ADAMTS6: variants seen among roughly 807,000 people sequenced by gnomAD.
The protein encoded by ADAMTS6 is A disintegrin and metalloproteinase with thrombospondin motifs 6.
ADAMTS6 carries 23 observed loss-of-function variants against 144.3 expected under a neutral mutation model. That is an observed-to-expected ratio of 0.16 (90% CI 0.11 to 0.23). The LOEUF (loss-of-function observed/expected upper bound fraction) is 0.23. Ranked by LOEUF, ADAMTS6 falls within the 10% of genes least tolerant of loss-of-function variation. The pLI is 1.00. For synonymous variants in ADAMTS6, 444 were observed against 457.5 expected (o/e 0.97, Z 0.38); for missense variants, 999 against 1,379.6 (o/e 0.72, Z 4.37).
At chr5:65,256,467 G>C (rs188284259) in intron 14 of ADAMTS6, 1 of 152,240 alleles carries the variant, frequency 6.6e-6, no homozygotes, top group East Asian at 1.9e-4. Context: ...CTCAAGTTCT[G>C]AGCTAGTAGA....
At chr5:65,170,593 G>C (rs777832492) in intron 24 of ADAMTS6, 24 bp downstream of exon 24, 1 of 1,611,930 alleles carries the variant, frequency 6.2e-7, no homozygotes, top group Non-Finnish European at 8.5e-7. Flanking sequence ...GAAACCACAG[G>C]CCCCTCCTCC....
chr5:65,343,073 C>T (rs1748000632), intron 7 of ADAMTS6, among the ~76,000 whole-genome samples: 1 of 151,702 alleles, frequency 6.6e-6, no homozygotes, highest in Non-Finnish European at 1.5e-5. Context: ...GGAAAGATAT[C>T]CCATGGTTAT....
At chr5:65,168,332 G>A (rs1250824232) in intron 24 of ADAMTS6, among the ~76,000 whole-genome samples, 1 of 152,130 alleles carries the variant, frequency 6.6e-6, no homozygotes, top group Non-Finnish European at 1.5e-5. Flanking sequence ...CACAAGGGAT[G>A]TGAAGGACCT....
intron 7 of ADAMTS6, among the ~76,000 whole-genome samples, chr5:65,376,374 C>A (rs1751547853): frequency 1.3e-5 from 2 of 151,984 alleles, no homozygotes; most frequent in East Asian, 3.9e-4. Context: ...TAGCTTGAAC[C>A]CAGGAGGTGG....
intron 12 of ADAMTS6, among the ~76,000 whole-genome samples, chr5:65,272,494 T>C (rs912314735): frequency 1.3e-5 from 2 of 152,186 alleles, no homozygotes; most frequent in African/African-American, 4.8e-5. Flanking sequence ...CAAGCATGTT[T>C]AAATAAGTCT....
intron 12 of ADAMTS6, among the ~76,000 whole-genome samples, chr5:65,266,818 T>C (rs557370233): frequency 6.6e-6 from 1 of 152,106 alleles, no homozygotes; most frequent in East Asian, 1.9e-4. Context: ...TTTATAAAAA[T>C]GGATCTCTTT....
At chr5:65,476,786 T>A (rs1037656522) in intron 1 of ADAMTS6, among the ~76,000 whole-genome samples, 124 of 148,980 alleles carry the variant, frequency 8.3e-4, no homozygotes, top group African/African-American at 3.1e-3. Flanking sequence ...TTTTTCTGTA[T>A]TTTTTTTTAG....
At chr5:65,246,402 T>C (rs1053882148) in intron 14 of ADAMTS6, among the ~76,000 whole-genome samples, 1 of 152,164 alleles carries the variant, frequency 6.6e-6, no homozygotes, top group East Asian at 1.9e-4. Context: ...AGATATAATC[T>C]AGGCTGCAGG....
At chr5:65,263,127 A>C (rs895658250) in intron 12 of ADAMTS6, among the ~76,000 whole-genome samples, 165 bp from the exon 13 acceptor site, 1 of 152,196 alleles carries the variant, frequency 6.6e-6, no homozygotes, top group African/African-American at 2.4e-5. Flanking sequence ...GTGAATGTGC[A>C]TGTGACTTGC....
intron 9 of ADAMTS6, among the ~76,000 whole-genome samples, chr5:65,324,017 A>G (rs1328023645): frequency 6.6e-6 from 1 of 152,160 alleles, no homozygotes; most frequent in African/African-American, 2.4e-5. Flanking sequence ...TCTGGATATT[A>G]GACCTTTGTC....
At chr5:65,152,480 A>G (rs1752191913) in intron 24 of ADAMTS6, among the ~76,000 whole-genome samples, 1 of 152,234 alleles carries the variant, frequency 6.6e-6, no homozygotes, top group Admixed American at 6.5e-5. Context: ...CAGCAACTAC[A>G]CTAGACAAAG....
chr5:65,423,956 AT>A (rs1247849899), intron 7 of ADAMTS6, among the ~76,000 whole-genome samples: 1 of 152,130 alleles, frequency 6.6e-6, no homozygotes, highest in Non-Finnish European at 1.5e-5. Context: ...ATTTATCTTA[AT>A]TTTTTTCTTT....
At chr5:65,399,700 C>T (rs1029739803) in intron 7 of ADAMTS6, among the ~76,000 whole-genome samples, 15 of 149,400 alleles carry the variant, frequency 1.0e-4, no homozygotes, top group African/African-American at 3.8e-4. Context: ...TTCATTTATA[C>T]ATGAGCATAT....
chr5:65,454,934 A>G (rs1759062545), intron 4 of ADAMTS6, among the ~76,000 whole-genome samples: 1 of 152,176 alleles, frequency 6.6e-6, no homozygotes, highest in Non-Finnish European at 1.5e-5. Flanking sequence ...TGAAATACTA[A>G]AAGTATACTG....
At chr5:65,481,244 G>GA (rs1378066011) in intron 1 of ADAMTS6, 99 bp downstream of exon 1, 1 of 130,888 alleles carries the variant, frequency 7.6e-6, no homozygotes, top group African/African-American at 2.9e-5. Flanking sequence ...CACACACACA[G>GA]AAAAAAAGTT....
chr5:65,288,821 T>A (rs2112743812), intron 11 of ADAMTS6, among the ~76,000 whole-genome samples: 1 of 152,318 alleles, frequency 6.6e-6, no homozygotes, highest in South Asian at 2.1e-4. Flanking sequence ...GGTTTGTTTT[T>A]CCCTTCAGCT....
At chr5:65,468,213 T>G (rs943300140) in intron 3 of ADAMTS6, among the ~76,000 whole-genome samples, 1 of 152,112 alleles carries the variant, frequency 6.6e-6, no homozygotes, top group Admixed American at 6.5e-5. Flanking sequence ...GAGATACGAT[T>G]AGAAAACACT....
intron 10 of ADAMTS6, among the ~76,000 whole-genome samples, chr5:65,293,290 C>T (rs1279290254): frequency 6.6e-6 from 1 of 151,724 alleles, no homozygotes; most frequent in South Asian, 2.1e-4. Flanking sequence ...AATAAAATAA[C>T]AAGTTAAGTA....
intron 24 of ADAMTS6, among the ~76,000 whole-genome samples, chr5:65,154,686 T>C (rs1752315371): frequency 6.6e-6 from 1 of 152,214 alleles, no homozygotes; most frequent in African/African-American, 2.4e-5. Flanking sequence ...GGTCTGCTCA[T>C]AGGATGTTGT....
Sources: allele counts gnomAD v4.1 joint callset (sites outside exome capture counted in the v4.1 genomes callset), GRCh38; gene constraint gnomAD v4.1.1; transcripts MANE v1.5; gene names NCBI Gene and HGNC (gene_info 2026-07-23, HGNC 2026-07-21).